LMNA: variants seen among roughly 807,000 people sequenced by gnomAD.
LMNA encodes lamin.
Under a neutral mutation model 70.4 loss-of-function variants are expected in LMNA, and 20 were observed. The observed-to-expected ratio is 0.28, with a 90% confidence interval of 0.20 to 0.41. The LOEUF (loss-of-function observed/expected upper bound fraction) is 0.41, where lower values mean the gene tolerates loss of function less well. Among genes scored for constraint, LMNA ranks in the 10% least tolerant of loss-of-function variants. LMNA has a pLI of 1.00. For missense variants in LMNA, 652 were observed against 917.2 expected (o/e 0.71, Z 3.73); for synonymous variants, 339 against 372.8 (o/e 0.91, Z 1.04).
chr1:156,089,023 G>A (rs1648591638), intron 2 of LMNA, among the ~76,000 whole-genome samples: 1 of 152,122 alleles, frequency 6.6e-6, no homozygotes, highest in South Asian at 2.1e-4. Context: ...TGTCGTCCAG[G>A]CTATAATACT....
upstream of LMNA, among the ~76,000 whole-genome samples, chr1:156,113,012 G>A (rs1649595685): frequency 6.6e-6 from 1 of 152,040 alleles, no homozygotes; most frequent in African/African-American, 2.4e-5. Context: ...AGGATAAGGT[G>A]GGACGGGCAT....
In LMNA at chr1:156,104,753, T is replaced by C. The variant is rs147077746; in HGVS notation, c.-206-9960T>C. On this transcript the variant is annotated intron_variant, in intron 3 of 12. Transcript: ENST00000368301. Reference sequence around the variant, plus strand: ...CAGTTAGCCCCAACATCTCTTTCCTTTCCTCCAACAGGAAACACACCTTCC... The same window carrying C: ...CAGTTAGCCCCAACATCTCTTTCCTCTCCTCCAACAGGAAACACACCTTCC... Among the ~76,000 whole-genome samples, 539 of 152,218 alleles carry C rather than the reference T, an allele frequency of 3.5e-3. 1 individual carries two copies. Among genetic ancestry groups the C allele is most frequent in the African/African-American group, 0.012 (507 of 41,518 alleles).
intron 2 of LMNA, among the ~76,000 whole-genome samples, chr1:156,088,306 ATTTT>A (rs890333193): frequency 6.6e-6 from 1 of 152,058 alleles, no homozygotes; most frequent in Non-Finnish European, 1.5e-5. Context: ...ATTTAATTTA[ATTTT>A]TTTGTTTTCT....
intron 1 of LMNA, among the ~76,000 whole-genome samples, chr1:156,128,546 G>C (rs903075175): frequency 6.6e-6 from 1 of 152,212 alleles, no homozygotes; most frequent in African/African-American, 2.4e-5. Flanking sequence ...GAAACGCTTT[G>C]TGCCATAGTG....
chr1:156,118,990 G>A (rs1485663991), intron 1 of LMNA, among the ~76,000 whole-genome samples: 1 of 152,104 alleles, frequency 6.6e-6, no homozygotes, highest in Non-Finnish European at 1.5e-5. Context: ...CTGTTGCCCA[G>A]GCTGGGGTGC....
chr1:156,126,242 G>A, intron 1 of LMNA: 1 of 1,515,730 alleles, frequency 6.6e-7, no homozygotes, highest in East Asian at 2.5e-5. Flanking sequence ...GGCTGCTGAG[G>A]AGTGGGTCTA....
At chr1:156,096,794 C>T (rs532034019) in intron 3 of LMNA, among the ~76,000 whole-genome samples, 14 of 152,348 alleles carry the variant, frequency 9.2e-5, no homozygotes, top group Admixed American at 7.8e-4. Flanking sequence ...CAGCAGGTGG[C>T]GCCAGGGCCT....
At position 156,137,613 on chromosome 1, in the gene LMNA, C is replaced by G; in HGVS notation, c.1609-41C>G. 1 of 1,532,438 alleles carries G rather than the reference C, an allele frequency of 6.5e-7. No individual in the cohort carries two copies. Among genetic ancestry groups the G allele is most frequent in the East Asian group, 2.4e-5 (1 of 40,920 alleles). 94.9% of individuals were successfully genotyped at this position (1,532,438 alleles called of 1,614,324 possible). On this transcript the variant is annotated intron_variant, in intron 9 of 11. Transcript: ENST00000368300. The surrounding 1 kb of genome is among the most constrained non-coding windows in gnomAD (Gnocchi z 4.6). ...GGGTAGACATGCTGTACAACCCTTC[C>G]CTGGCCCTGACCCTTGGACCTGGTT...
chr1:156,104,734 G>A (rs1290347818), intron 3 of LMNA, among the ~76,000 whole-genome samples: 1 of 152,144 alleles, frequency 6.6e-6, no homozygotes, highest in East Asian at 1.9e-4. Flanking sequence ...TGCTCAGTTA[G>A]CCCCAACATC....
chr1:156,110,971 A>G (rs536622826), upstream of LMNA, among the ~76,000 whole-genome samples: 1 of 151,730 alleles, frequency 6.6e-6, no homozygotes, highest in Admixed American at 6.6e-5. Flanking sequence ...GCGAGACTCC[A>G]ACTCAAAAAA....
Position 156,139,368 on chromosome 1 carries a change from T to G in LMNA, c.*262T>G, listed in dbSNP as rs1651925410. 1 of 1,383,996 alleles carries G rather than the reference T, an allele frequency of 7.2e-7. No individual in the cohort carries two copies. The highest frequency in any genetic ancestry group is 9.3e-7 in the Non-Finnish European group (1 of 1,072,964). 85.7% of individuals were successfully genotyped at this position (1,383,996 alleles called of 1,614,324 possible). ...TAATTTCTCCTCCCTTCCTTTTCCC[T>G]GCTTCCAGGAAACTCCACATCTGCC... On this transcript the variant is annotated 3_prime_UTR_variant, in exon 12 of 12. Coordinates refer to ENST00000368300, the MANE Select transcript of LMNA (RefSeq NM_170707.4).
intron 3 of LMNA, among the ~76,000 whole-genome samples, chr1:156,094,144 A>C (rs974233711): frequency 6.6e-6 from 1 of 152,114 alleles, no homozygotes; most frequent in African/African-American, 2.4e-5. Context: ...AGGGATCCCT[A>C]AGCATGCATA....
intron 3 of LMNA, among the ~76,000 whole-genome samples, chr1:156,102,178 C>T (rs1649166142): frequency 1.3e-5 from 2 of 152,172 alleles, no homozygotes; most frequent in Admixed American, 6.5e-5. Context: ...GAGGAATGTG[C>T]CTGTGCACCT....
intron 1 of LMNA, among the ~76,000 whole-genome samples, chr1:156,127,344 C>A (rs1436692955): frequency 2.0e-5 from 3 of 152,106 alleles, no homozygotes; most frequent in Non-Finnish European, 4.4e-5. Flanking sequence ...TTCTTCCCCG[C>A]AGATGGGAGC....
chr1:156,130,842 C>T, intron 2 of LMNA, 69 bp downstream of exon 2: 1 of 1,465,538 alleles, frequency 6.8e-7, no homozygotes, highest in Non-Finnish European at 9.3e-7. Context: ...TCTACCTAGG[C>T]CCTCCCCCAT....
In LMNA at chr1:156,086,440, A is replaced by C. The variant is rs1648480263; in HGVS notation, c.-319+3256A>C. On this transcript the variant is annotated intron_variant, in intron 2 of 12. Transcript: ENST00000368301. ...TCTCTCTCTCTTTTGTCTTTCTTAC[A>C]CAAGCCAGGCTTCTGGCCTCATGCC... is the stretch of plus-strand genomic sequence containing the variant. Among the ~76,000 whole-genome samples the C allele has an allele frequency of 2.9e-5, 4 of 138,460 alleles. No homozygotes were observed. The South Asian group carries it at 9.3e-4, about 32-fold the overall frequency. The allele number at this position is 138,460 out of a possible 152,430, so 90.8% of individuals were successfully genotyped here. A position where few individuals can be genotyped will look rare whatever the true frequency, so the allele number is the denominator to read the frequency against.
chr1:156,115,346 C>T lies in LMNA; in HGVS notation c.356+72C>T. 3.6e-6 allele frequency: 5 copies of T among 1,388,428 alleles called. No individual in the cohort carries two copies. Among genetic ancestry groups the T allele is most frequent in the Non-Finnish European group, 5.0e-6 (5 of 1,009,184 alleles). The allele number at this position is 1,388,428 out of a possible 1,614,324, so 86.0% of individuals were successfully genotyped here. The stretch of plus-strand genomic sequence containing the variant: ...CGGCGGGCCGGCGCCCCTGGCCGGC[C>T]GCAGGAAGGGAGTGAGAGGGCCTGG... On this transcript the variant is annotated intron_variant, in intron 1 of 11. Transcript: ENST00000368300. This position sits in a 1 kb window ranked among gnomAD's most constrained non-coding sequence, Gnocchi z 5.8.
chr1:156,101,344 A>G (rs1649131990), intron 3 of LMNA, among the ~76,000 whole-genome samples: 2 of 152,074 alleles, frequency 1.3e-5, no homozygotes, highest in South Asian at 4.1e-4. Flanking sequence ...AATAAAAATA[A>G]TTAGTTGGTT....
chr1:156,129,222 G>A (rs1025350522), intron 1 of LMNA, among the ~76,000 whole-genome samples: 16 of 152,312 alleles, frequency 1.1e-4, no homozygotes, highest in African/African-American at 3.6e-4. Context: ...TGCAGGCTGG[G>A]GGAGCTTCCT....
Sources: allele counts gnomAD v4.1 joint callset (sites outside exome capture counted in the v4.1 genomes callset), GRCh38; gene constraint gnomAD v4.1.1; non-coding constraint Gnocchi (gnomAD v3.1); transcripts MANE v1.5; gene names NCBI Gene and HGNC (gene_info 2026-07-23, HGNC 2026-07-21).